The following C16orf74 variants were observed in gnomAD, a reference collection of about 807,000 sequenced individuals.
C16orf74 encodes calcimembrin.
A neutral mutation model predicts 6.5 loss-of-function variants in C16orf74; 10 were observed. That is an observed-to-expected ratio of 1.54 (90% confidence interval 0.95 to 2.61). C16orf74 has a LOEUF of 2.61. C16orf74 is among the 30% of genes most tolerant of loss of function. C16orf74 has a pLI of 0.00. For missense variants in C16orf74, 141 were observed against 105.9 expected (o/e 1.33, Z -1.45); for synonymous variants, 60 against 42.5 (o/e 1.41, Z -1.60).
Position 85,725,400 on chromosome 16 carries a change from G to C in C16orf74, c.28+9790C>G, listed in dbSNP as rs796102213. Reference sequence around the variant, plus strand: ...TGGAAGGCAAGGACATTGGCTGTCAGCCTGGACCACCCAGGGGAATCACCT... The same window carrying C: ...TGGAAGGCAAGGACATTGGCTGTCACCCTGGACCACCCAGGGGAATCACCT... On this transcript the variant is annotated intron_variant, in intron 2 of 3. Coordinates refer to ENST00000284245, the MANE Select transcript of C16orf74 (RefSeq NM_206967.3). Among the ~76,000 whole-genome samples, 6 of 152,314 alleles carry C rather than the reference G, an allele frequency of 3.9e-5. No individual in the cohort carries two copies. In the East Asian group the frequency reaches 1.2e-3, roughly 29 times the overall value.
chr16:85,715,623 T>A (rs2054015608), intron 2 of C16orf74, among the ~76,000 whole-genome samples: 1 of 152,190 alleles, frequency 6.6e-6, no homozygotes, highest in Non-Finnish European at 1.5e-5. Context: ...AAAGCAGCCG[T>A]AGACAACGTG....
At chr16:85,721,978 CTTTT>C (rs146218477) in intron 2 of C16orf74, among the ~76,000 whole-genome samples, 2,012 of 91,134 alleles carry the variant, frequency 0.022, 62 homozygotes, top group African/African-American at 0.08. Flanking sequence ...AGATTCTAAC[CTTTT>C]TTTTTTTTTT....
At chr16:85,714,918 AG>A (rs2054007361) in intron 2 of C16orf74, among the ~76,000 whole-genome samples, 1 of 151,360 alleles carries the variant, frequency 6.6e-6, no homozygotes, top group South Asian at 2.1e-4. Context: ...GCACTTTGGG[AG>A]GCCGAGGCGG....
At chr16:85,746,756 T>C (rs2054377766) in intron 1 of C16orf74, among the ~76,000 whole-genome samples, 1 of 152,198 alleles carries the variant, frequency 6.6e-6, no homozygotes, top group Admixed American at 6.5e-5. Context: ...GGCCTGGTCA[T>C]GCTGCAAGCA....
At chr16:85,738,940 A>G (rs2054273859) in intron 1 of C16orf74, among the ~76,000 whole-genome samples, 1 of 152,000 alleles carries the variant, frequency 6.6e-6, no homozygotes, top group Non-Finnish European at 1.5e-5. Context: ...TCATCTGGGT[A>G]GCAAGTGACA....
intron 2 of C16orf74, among the ~76,000 whole-genome samples, chr16:85,732,908 T>C (rs2054205322): frequency 1.3e-5 from 2 of 152,100 alleles, no homozygotes; most frequent in African/African-American, 4.8e-5. Context: ...ACGGTCCTTT[T>C]AAAAGCTCCC....
intron 2 of C16orf74, among the ~76,000 whole-genome samples, chr16:85,724,639 AC>A: frequency 6.6e-6 from 1 of 152,222 alleles, no homozygotes; most frequent in Middle Eastern, 3.4e-3. Context: ...GATGGGAATG[AC>A]GGGGATGACG....
At chr16:85,721,969 G>C (rs1299335393) in intron 2 of C16orf74, among the ~76,000 whole-genome samples, 1 of 141,552 alleles carries the variant, frequency 7.1e-6, no homozygotes, top group Non-Finnish European at 1.5e-5. Context: ...TTGGAATAGA[G>C]ATTCTAACCT....
intron 2 of C16orf74, among the ~76,000 whole-genome samples, chr16:85,731,265 G>A (rs1161671535): frequency 2.0e-5 from 3 of 152,252 alleles, no homozygotes; most frequent in South Asian, 2.1e-4. Context: ...AGTGGAAAAC[G>A]AACATGTGAG....
rs1203599366 is a variant in C16orf74, at chr16:85,748,146, GTA to G, written c.-19+2778_-19+2779del. On this transcript the variant is annotated intron_variant, in intron 1 of 3. Coordinates refer to ENST00000284245, the MANE Select transcript of C16orf74 (RefSeq NM_206967.3). ...TGTGTGTGTATATATATATGTGTGT[GTA>G]TATATATATATGTGTATATATATAT... Among the ~76,000 whole-genome samples, 380 of 71,498 alleles carry G rather than the reference GTA, an allele frequency of 5.3e-3. 7 individuals are homozygous for G. Among genetic ancestry groups the G allele is most frequent in the African/African-American group, 9.8e-3 (321 of 32,918 alleles). 46.9% of individuals were successfully genotyped at this position (71,498 alleles called of 152,430 possible).
At chr16:85,733,046 G>C (rs375504714) in intron 2 of C16orf74, among the ~76,000 whole-genome samples, 1 of 152,326 alleles carries the variant, frequency 6.6e-6, no homozygotes, top group East Asian at 1.9e-4. Flanking sequence ...TCCTGATCAA[G>C]TCCCGGCCTT....
At chr16:85,718,870 G>A (rs946435904) in intron 2 of C16orf74, among the ~76,000 whole-genome samples, 3 of 152,258 alleles carry the variant, frequency 2.0e-5, no homozygotes, top group African/African-American at 7.2e-5. Flanking sequence ...CCTACTGGGT[G>A]CCAACGGCTA....
chr16:85,748,806 G>A (rs1167972633), intron 1 of C16orf74, among the ~76,000 whole-genome samples: 1 of 152,048 alleles, frequency 6.6e-6, no homozygotes, highest in Non-Finnish European at 1.5e-5. Flanking sequence ...AAAGGCAAGA[G>A]AGTATAATGA....
At chr16:85,748,415 G>C (rs1183605944) in intron 1 of C16orf74, among the ~76,000 whole-genome samples, 1 of 151,630 alleles carries the variant, frequency 6.6e-6, no homozygotes, top group Non-Finnish European at 1.5e-5. Context: ...CTGACCAACA[G>C]GGCGAAACCC....
chr16:85,736,618 G>A (rs1203413105), intron 1 of C16orf74, among the ~76,000 whole-genome samples: 5 of 152,150 alleles, frequency 3.3e-5, no homozygotes, highest in Admixed American at 1.3e-4. Context: ...GGCCAGCTGC[G>A]TATGAAAGGC....
chr16:85,722,196 G>A (rs2054089857), intron 2 of C16orf74, among the ~76,000 whole-genome samples: 1 of 151,944 alleles, frequency 6.6e-6, no homozygotes. Flanking sequence ...ATAATAACCT[G>A]TATACTGCAG....
chr16:85,733,388 G>C (rs898820608), intron 2 of C16orf74, among the ~76,000 whole-genome samples: 1 of 152,162 alleles, frequency 6.6e-6, no homozygotes, highest in Non-Finnish European at 1.5e-5. Context: ...GCTGCCAAGG[G>C]CTGGGGAGGG....
chr16:85,721,290 G>C (rs932492344), intron 2 of C16orf74, among the ~76,000 whole-genome samples: 1 of 151,996 alleles, frequency 6.6e-6, no homozygotes, highest in African/African-American at 2.4e-5. Flanking sequence ...GGGTCCCCTA[G>C]CCTTGGCGCT....
intron 2 of C16orf74, among the ~76,000 whole-genome samples, chr16:85,729,042 T>C (rs565160018): frequency 1.3e-5 from 2 of 152,246 alleles, no homozygotes; most frequent in South Asian, 2.1e-4. Context: ...CTGAGAACCA[T>C]GCAGCAGGAC....
Sources: allele counts gnomAD v4.1 joint callset (sites outside exome capture counted in the v4.1 genomes callset), GRCh38; gene constraint gnomAD v4.1.1; transcripts MANE v1.5; gene names NCBI Gene and HGNC (gene_info 2026-07-23, HGNC 2026-07-21).